Variants in DGKG observed in about 807,000 individuals in gnomAD.
DGKG encodes the protein DAG kinase gamma.
DGKG carries 78 observed loss-of-function variants against 105.3 expected under a neutral mutation model. The observed-to-expected ratio is 0.74, with a 90% CI of 0.62 to 0.89. DGKG has a LOEUF of 0.89. Among genes scored for constraint, DGKG ranks in the 40% least tolerant of loss-of-function variants. The pLI is 0.00. For synonymous variants in DGKG, 346 were observed against 367.1 expected (o/e 0.94, Z 0.66); for missense variants, 958 against 1,020.1 (o/e 0.94, Z 0.83).
intron 13 of DGKG, 63 bp downstream of exon 13, chr3:186,267,622 C>G: frequency 1.6e-6 from 2 of 1,287,066 alleles, no homozygotes; most frequent in Non-Finnish European, 2.3e-6. Flanking sequence ...TGTCTGAAAG[C>G]TGCCTACATC....
intron 24 of DGKG, among the ~76,000 whole-genome samples, chr3:186,151,349 G>T (rs1175947888): frequency 6.6e-6 from 1 of 152,188 alleles, no homozygotes; most frequent in Non-Finnish European, 1.5e-5. Flanking sequence ...TGACCGCAGG[G>T]AACAACAGAA....
intron 17 of DGKG, among the ~76,000 whole-genome samples, chr3:186,254,661 C>T (rs1716407815): frequency 1.3e-5 from 2 of 152,180 alleles, no homozygotes; most frequent in African/African-American, 2.4e-5. Context: ...AATCTCTTCT[C>T]TCTATCCCCA....
At position 186,210,664 on chromosome 3, in the gene DGKG, C is replaced by G. The variant is rs1342938899; in HGVS notation, c.1917+1131G>C. On this transcript the variant is annotated intron_variant, in intron 21 of 24. Coordinates refer to ENST00000265022, the MANE Select transcript of DGKG (RefSeq NM_001346.3). This position sits in a 1 kb window ranked among gnomAD's most constrained non-coding sequence, Gnocchi z 5.2. Reference sequence around the variant, plus strand: ...GCCCTTCCGGCAGGGAGGGGCAGGGCTTTCCTACACCACTCCAGGCCACAG... The same window carrying G: ...GCCCTTCCGGCAGGGAGGGGCAGGGGTTTCCTACACCACTCCAGGCCACAG... 2.2e-6 allele frequency: 1 copy of G among 453,066 alleles called. No individual in the cohort carries two copies. The highest frequency in any genetic ancestry group is 2.4e-5 in the Admixed American group (1 of 42,442). The allele number at this position is 453,066 out of a possible 1,614,324, so 28.1% of individuals were successfully genotyped here. A position where few individuals can be genotyped will look rare whatever the true frequency, so the allele number is the denominator to read the frequency against.
chr3:186,353,663 T>TCTATAA (rs1726758679), intron 1 of DGKG, among the ~76,000 whole-genome samples: 1 of 125,370 alleles, frequency 8.0e-6, no homozygotes, highest in Non-Finnish European at 1.6e-5. Context: ...TATGTCTATA[T>TCTATAA]CTATATCTAT....
intron 21 of DGKG, among the ~76,000 whole-genome samples, chr3:186,206,814 G>C (rs1718766359): frequency 6.6e-6 from 1 of 151,838 alleles, no homozygotes; most frequent in Non-Finnish European, 1.5e-5. Flanking sequence ...CAATGGCCTG[G>C]TCTCCACTCA....
intron 15 of DGKG, among the ~76,000 whole-genome samples, chr3:186,260,907 A>G (rs1721742191): frequency 6.6e-6 from 1 of 152,198 alleles, no homozygotes; most frequent in Admixed American, 6.5e-5. Context: ...GTACAAAAGC[A>G]TCACAGGACC....
At chr3:186,299,843 T>TCTTTCTTTCTTTCTTTCTCTC (rs1424972244) in intron 3 of DGKG, among the ~76,000 whole-genome samples, 1 of 130,170 alleles carries the variant, frequency 7.7e-6, no homozygotes, top group African/African-American at 2.8e-5. Flanking sequence ...CTTTCTTTTT[T>TCTTTCTTTCTTTCTTTCTCTC]TTTTTTTTTG....
rs554053654 is a variant in DGKG, at chr3:186,304,488, A to T, written c.144+2413T>A. On this transcript the variant is annotated intron_variant, in intron 3 of 24. Coordinates refer to ENST00000265022, the MANE Select transcript of DGKG (RefSeq NM_001346.3). The stretch of plus-strand genomic sequence containing the variant: ...TGTCCAACGGAGAAGGTGTTGACTC[A>T]GTTTTGTTCAATGGATGACAACGTG... 4.1e-4 allele frequency among the ~76,000 whole-genome samples: 63 copies of T among 152,264 alleles called. No homozygotes were observed. The South Asian group carries it at 0.013, about 31-fold the overall frequency.
intron 21 of DGKG, among the ~76,000 whole-genome samples, chr3:186,204,031 G>A (rs941485808): frequency 4.6e-5 from 7 of 152,204 alleles, no homozygotes; most frequent in Non-Finnish European, 8.8e-5. Context: ...CTTAAGAGCC[G>A]TGAGTTCTCT....
At chr3:186,294,080 A>G (rs1723433956) in intron 5 of DGKG, among the ~76,000 whole-genome samples, 1 of 152,258 alleles carries the variant, frequency 6.6e-6, no homozygotes, top group Non-Finnish European at 1.5e-5. Context: ...TGACAAAATC[A>G]CTTCTCCAGG....
At chr3:186,240,263 G>A (rs777980487) in intron 20 of DGKG, among the ~76,000 whole-genome samples, 24 of 152,116 alleles carry the variant, frequency 1.6e-4, no homozygotes, top group Non-Finnish European at 2.6e-4. Flanking sequence ...CACGTTTCGT[G>A]TCCTTGGTTT....
chr3:186,206,969 G>A (rs564139234), intron 21 of DGKG, among the ~76,000 whole-genome samples: 5 of 151,868 alleles, frequency 3.3e-5, no homozygotes, highest in Admixed American at 6.6e-5. Flanking sequence ...GGCTGGTCTC[G>A]AACTCCTGAC....
chr3:186,238,505 C>T (rs186223870), intron 20 of DGKG, among the ~76,000 whole-genome samples: 1,546 of 152,164 alleles, frequency 0.01, 10 homozygotes, highest in South Asian at 0.033. Flanking sequence ...TTTTGCTAGA[C>T]GACGATTTCC....
intron 1 of DGKG, among the ~76,000 whole-genome samples, chr3:186,331,085 T>C (rs1472405456): frequency 1.3e-5 from 2 of 152,342 alleles, no homozygotes; most frequent in South Asian, 2.1e-4. Flanking sequence ...GATGCAAATA[T>C]GTATCACTGC....
At chr3:186,235,613 T>C (rs1434810973) in intron 20 of DGKG, among the ~76,000 whole-genome samples, 1 of 152,236 alleles carries the variant, frequency 6.6e-6, no homozygotes. Context: ...GAAAATCTTA[T>C]GTAAATCATG....
At chr3:186,259,156 C>G (rs1234362303) in intron 16 of DGKG, among the ~76,000 whole-genome samples, 1 of 152,246 alleles carries the variant, frequency 6.6e-6, no homozygotes, top group African/African-American at 2.4e-5. Context: ...TCCAGCTAGG[C>G]AGCTTGTCTG....
At chr3:186,158,780 T>C in intron 24 of DGKG, 1 of 935,456 alleles carries the variant, frequency 1.1e-6, no homozygotes, top group Non-Finnish European at 1.3e-6. Context: ...GATAGTTTTT[T>C]ATATATTTTG....
At chr3:186,218,939 G>A (rs995658482) in intron 20 of DGKG, among the ~76,000 whole-genome samples, 16 of 152,100 alleles carry the variant, frequency 1.1e-4, no homozygotes, top group Non-Finnish European at 1.9e-4. Flanking sequence ...GAAGATAATA[G>A]ACTAGCATTG....
rs145225816 is a variant in DGKG at position 186,300,866 on chromosome 3, C to T, written c.145-2637G>A. Among the ~76,000 whole-genome samples the T allele has an allele frequency of 5.4e-4, 83 of 152,310 alleles. 1 individual carries two copies. Among genetic ancestry groups the T allele is most frequent in the African/African-American group, 1.9e-3 (79 of 41,566 alleles). ...ACCTCGTGACTGGTCTCAGACCAAG[C>T]GCATTTCTCCCCTTTTTCCAATCTG... On this transcript the variant is annotated intron_variant, in intron 3 of 24. Transcript: ENST00000265022.
Sources: gnomAD v4.1 joint callset for allele counts (sites outside exome capture counted in the v4.1 genomes callset) on GRCh38, gnomAD v4.1.1 for gene constraint, Gnocchi (gnomAD v3.1) non-coding constraint, MANE v1.5 for transcripts, NCBI Gene and HGNC (gene_info 2026-07-23, HGNC 2026-07-21) for gene names.